Variants in MAPRE2 observed in about 807,000 individuals in gnomAD.
MAPRE2 encodes microtubule-associated protein RP/EB family member 2.
A neutral mutation model predicts 43.2 loss-of-function variants in MAPRE2; 13 were observed. That is an observed-to-expected ratio of 0.30 (90% CI 0.20 to 0.48). The LOEUF (loss-of-function observed/expected upper bound fraction) is 0.48, where lower values mean the gene tolerates loss of function less well. MAPRE2 is among the 20% of genes least tolerant of loss of function. The pLI, the probability that MAPRE2 is intolerant of heterozygous loss-of-function variation, is 0.99. For missense variants in MAPRE2, 161 were observed against 400.2 expected, an observed-to-expected ratio of 0.40 and a Z score of 5.10; for synonymous variants, 135 against 148.8, an observed-to-expected ratio of 0.91 and a Z score of 0.68.
At chr18:35,010,463 G>A (rs2097034000) in intron 2 of MAPRE2, among the ~76,000 whole-genome samples, 1 of 152,178 alleles carries the variant, frequency 6.6e-6, no homozygotes, top group Non-Finnish European at 1.5e-5. Context: ...TTTGTTGTGA[G>A]AATAATTAGA....
At chr18:35,114,505 T>C (rs1328999835) in intron 4 of MAPRE2, among the ~76,000 whole-genome samples, 2 of 152,164 alleles carry the variant, frequency 1.3e-5, no homozygotes, top group Admixed American at 6.6e-5. Flanking sequence ...TCTTATTAGC[T>C]CAAAAGCAGA....
At chr18:35,021,068 C>A (rs138189854) in intron 2 of MAPRE2, among the ~76,000 whole-genome samples, 1 of 152,030 alleles carries the variant, frequency 6.6e-6, no homozygotes, top group Non-Finnish European at 1.5e-5. Flanking sequence ...ACATTCCAGG[C>A]GAGAAATGAA....
At chr18:35,040,132 G>A (rs1308804542), upstream of MAPRE2, among the ~76,000 whole-genome samples, 3 of 152,220 alleles carry the variant, frequency 2.0e-5, no homozygotes, top group African/African-American at 7.2e-5. Context: ...GAACCCAGGA[G>A]GCGGAGGTTG....
chr18:35,028,227 T>A (rs2097046258), intron 2 of MAPRE2, among the ~76,000 whole-genome samples: 1 of 152,126 alleles, frequency 6.6e-6, no homozygotes, highest in African/African-American at 2.4e-5. Flanking sequence ...AAGAAAAAAT[T>A]ATGGCCACAG....
chr18:35,100,930 T>C (rs59397037), intron 3 of MAPRE2, among the ~76,000 whole-genome samples: 14,950 of 152,080 alleles, frequency 0.098, 957 homozygotes, highest in East Asian at 0.22. Context: ...TCCCAGCTAC[T>C]CGGGAGGCTG....
In MAPRE2 at chr18:34,995,591, G is replaced by A. The variant is rs1322167056; in HGVS notation, c.-69-9901G>A. Among the ~76,000 whole-genome samples, 4 of 152,202 alleles carry A rather than the reference G, an allele frequency of 2.6e-5. No homozygotes were observed. The East Asian group carries it at 5.8e-4, about 22-fold the overall frequency. ...CCTAAGAACCTGGAACTCTGGGTGA[G>A]TATGTTACCACTGGGGGCTAGGAAT... On this transcript the variant is annotated intron_variant, in intron 1 of 7. Transcript: ENST00000413393.
At chr18:35,087,462 T>A (rs1568998631) in intron 2 of MAPRE2, among the ~76,000 whole-genome samples, 1 of 152,222 alleles carries the variant, frequency 6.6e-6, no homozygotes, top group East Asian at 1.9e-4. Flanking sequence ...TCTGCAGACT[T>A]GGTCTCTAGG....
chr18:35,001,216 A>T (rs1244768432), intron 1 of MAPRE2, among the ~76,000 whole-genome samples: 1 of 152,208 alleles, frequency 6.6e-6, no homozygotes, highest in African/African-American at 2.4e-5. Flanking sequence ...AAGTTAAAAA[A>T]TACAGGATAT....
intron 6 of MAPRE2, among the ~76,000 whole-genome samples, chr18:35,137,464 A>G (rs1429643719): frequency 6.6e-6 from 1 of 152,206 alleles, no homozygotes; most frequent in East Asian, 1.9e-4. Flanking sequence ...CTTTAGCTCC[A>G]TTAGCCCACA....
chr18:35,136,121 A>C (rs1910381741), intron 6 of MAPRE2, among the ~76,000 whole-genome samples: 1 of 152,182 alleles, frequency 6.6e-6, no homozygotes. Flanking sequence ...AAATCAACAG[A>C]GGTGGTTCAA....
At chr18:35,077,395 G>A (rs2144119823) in intron 2 of MAPRE2, among the ~76,000 whole-genome samples, 1 of 152,162 alleles carries the variant, frequency 6.6e-6, no homozygotes, top group East Asian at 1.9e-4. Context: ...GGTTCTTATT[G>A]AGTATATCAC....
At chr18:35,107,388 T>C (rs750979795) in intron 4 of MAPRE2, among the ~76,000 whole-genome samples, 5 of 152,202 alleles carry the variant, frequency 3.3e-5, no homozygotes, top group Non-Finnish European at 7.4e-5. Flanking sequence ...TAAGGCTGTT[T>C]GTATGACTGT....
At chr18:35,059,525 G>A (rs776262408) in intron 1 of MAPRE2, among the ~76,000 whole-genome samples, 20 of 152,208 alleles carry the variant, frequency 1.3e-4, no homozygotes, top group Non-Finnish European at 2.2e-4. Context: ...AGGAGATAAA[G>A]CTGTAAACAA....
rs190249372 is a variant in MAPRE2, at chr18:34,981,612, A to G, written c.-70+4533A>G. Among the ~76,000 whole-genome samples the G allele has an allele frequency of 1.7e-3, 266 of 152,250 alleles. 4 individuals carry two copies. The highest frequency in any genetic ancestry group is 0.013 in the Admixed American group (206 of 15,300). ...TGGTCTTACTAACATATCAGGGCTT[A>G]ATCATAATTGGGTAAATGGTATTCC... is the stretch of plus-strand genomic sequence containing the variant. On this transcript the variant is annotated intron_variant, in intron 1 of 7. Coordinates refer to the MAPRE2 transcript ENST00000413393.
intron 4 of MAPRE2, among the ~76,000 whole-genome samples, chr18:35,126,528 G>A (rs1440542716): frequency 6.6e-6 from 1 of 152,146 alleles, no homozygotes; most frequent in Non-Finnish European, 1.5e-5. Context: ...AAATACATTT[G>A]GATTGATATT....
intron 1 of MAPRE2, among the ~76,000 whole-genome samples, chr18:34,977,364 T>C (rs1398547883): frequency 1.3e-5 from 2 of 151,736 alleles, no homozygotes; most frequent in African/African-American, 4.8e-5. Flanking sequence ...AGGGAGGGAG[T>C]TGGGGCTGCC....
At chr18:35,139,886 A>C (rs1452982011) in intron 6 of MAPRE2, among the ~76,000 whole-genome samples, 1 of 152,188 alleles carries the variant, frequency 6.6e-6, no homozygotes, top group African/African-American at 2.4e-5. Flanking sequence ...CCCCCACCAA[A>C]ATACCATGGA....
intron 2 of MAPRE2, among the ~76,000 whole-genome samples, chr18:35,077,457 A>G (rs1025581824): frequency 2.0e-5 from 3 of 152,186 alleles, no homozygotes; most frequent in African/African-American, 7.2e-5. Context: ...CCCTGCTGAG[A>G]TTTACCTGCC....
At chr18:35,043,577 C>T (rs1457767660) in intron 1 of MAPRE2, among the ~76,000 whole-genome samples, 2 of 152,160 alleles carry the variant, frequency 1.3e-5, no homozygotes, top group Non-Finnish European at 2.9e-5. Flanking sequence ...AGTTTGCTTT[C>T]TGAGTCCCTA....
Sources: allele counts gnomAD v4.1 joint callset (sites outside exome capture counted in the v4.1 genomes callset), GRCh38; gene constraint gnomAD v4.1.1; transcripts MANE v1.5; gene names NCBI Gene and HGNC (gene_info 2026-07-23, HGNC 2026-07-21).